DPP6: variants seen among roughly 807,000 people sequenced by gnomAD.
DPP6 encodes dipeptidyl peptidase like 6.
In DPP6, 69 loss-of-function variants were observed where a neutral mutation model predicts 122.6. That is an observed-to-expected ratio of 0.56 (90% CI 0.46 to 0.69). The LOEUF is 0.69. Ranked by LOEUF, DPP6 falls within the 30% of genes least tolerant of loss-of-function variation. The pLI, the probability that DPP6 is intolerant of heterozygous loss-of-function variation, is 0.00. For synonymous variants in DPP6, 418 were observed against 433.1 expected, an observed-to-expected ratio of 0.97 and a Z score of 0.43; for missense variants, 928 against 1,116.9, an observed-to-expected ratio of 0.83 and a Z score of 2.41.
intron 18 of DPP6, among the ~76,000 whole-genome samples, chr7:154,870,990 T>TAA (rs1804336797): frequency 6.9e-6 from 1 of 144,388 alleles, no homozygotes; most frequent in African/African-American, 2.7e-5. Flanking sequence ...AAAAAATGTG[T>TAA]GTGTTATCCC....
At chr7:153,993,196 C>T (rs1797264286) in intron 1 of DPP6, among the ~76,000 whole-genome samples, 1 of 152,152 alleles carries the variant, frequency 6.6e-6, no homozygotes, top group Admixed American at 6.5e-5. Context: ...GAATCAGTGT[C>T]TATATCAGGG....
intron 5 of DPP6, among the ~76,000 whole-genome samples, chr7:154,568,634 G>T (rs988429415): frequency 6.6e-6 from 1 of 152,098 alleles, no homozygotes; most frequent in Non-Finnish European, 1.5e-5. Context: ...GGATCCCATT[G>T]AACCAGAAAC....
intron 1 of DPP6, among the ~76,000 whole-genome samples, chr7:154,076,404 T>G (rs2429602): frequency 1.3e-5 from 2 of 151,752 alleles, no homozygotes; most frequent in East Asian, 3.9e-4. Flanking sequence ...GAGCCGAGAT[T>G]GTGGCAATGC....
chr7:154,039,333 C>T (rs777287242), intron 1 of DPP6, among the ~76,000 whole-genome samples: 112 of 146,156 alleles, frequency 7.7e-4, no homozygotes, highest in Non-Finnish European at 1.3e-3. Flanking sequence ...TTTTCTTGGA[C>T]GATGAATCTG....
chr7:154,816,463 C>T (rs760104529), intron 16 of DPP6, among the ~76,000 whole-genome samples: 28 of 152,126 alleles, frequency 1.8e-4, no homozygotes, highest in Non-Finnish European at 2.1e-4. Flanking sequence ...TTTCAGACAT[C>T]CACTGGGGTC....
intron 1 of DPP6, among the ~76,000 whole-genome samples, chr7:154,186,855 G>C (rs992154969): frequency 3.9e-5 from 6 of 152,214 alleles, no homozygotes; most frequent in East Asian, 3.8e-4. Context: ...TAAAAAATCA[G>C]AAGTAGATTA....
chr7:154,006,830 G>T (rs1797932760), intron 1 of DPP6, among the ~76,000 whole-genome samples: 1 of 152,220 alleles, frequency 6.6e-6, no homozygotes, highest in Non-Finnish European at 1.5e-5. Flanking sequence ...CCACATATAG[G>T]TGAGGAAATC....
At chr7:153,873,541 A>G in the DPP6 span, among the ~76,000 whole-genome samples, 3 of 152,318 alleles carry the variant, frequency 2.0e-5, no homozygotes, top group East Asian at 5.8e-4. Flanking sequence ...TAACTTTGCA[A>G]CTTTGGCAAA....
intron 1 of DPP6, among the ~76,000 whole-genome samples, chr7:154,149,174 A>G (rs1031162886): frequency 4.6e-5 from 7 of 152,262 alleles, no homozygotes; most frequent in African/African-American, 1.7e-4. Context: ...CAGTGCCTTT[A>G]CAGTGAAGGA....
chr7:154,234,366 T>C (rs1308999300), intron 1 of DPP6, among the ~76,000 whole-genome samples: 1 of 152,164 alleles, frequency 6.6e-6, no homozygotes, highest in Non-Finnish European at 1.5e-5. Flanking sequence ...GAGCTGGGTG[T>C]TTCCCAGAAA....
chr7:154,022,849 A>G (rs545001867), intron 1 of DPP6, among the ~76,000 whole-genome samples: 1 of 152,372 alleles, frequency 6.6e-6, no homozygotes, highest in South Asian at 2.1e-4. Flanking sequence ...AGGATGAGAC[A>G]GAGGTTGGAG....
chr7:154,758,929 C>T (rs1017298359), intron 8 of DPP6, among the ~76,000 whole-genome samples: 5 of 152,184 alleles, frequency 3.3e-5, no homozygotes, highest in African/African-American at 9.7e-5. Flanking sequence ...AGCACGCAGC[C>T]TCTATAAGCA....
At chr7:154,662,009 G>T (rs1837720062) in intron 6 of DPP6, among the ~76,000 whole-genome samples, 1 of 149,820 alleles carries the variant, frequency 6.7e-6, no homozygotes, top group African/African-American at 2.5e-5. Context: ...TAGTCATGGT[G>T]AATCACCATG....
chr7:154,448,603 G>A (rs902573528), intron 2 of DPP6, among the ~76,000 whole-genome samples: 1 of 151,988 alleles, frequency 6.6e-6, no homozygotes, highest in Non-Finnish European at 1.5e-5. Flanking sequence ...AAATGCAAAG[G>A]ACTCATAATA....
chr7:154,737,493 T>C (rs936619219), intron 8 of DPP6, among the ~76,000 whole-genome samples: 2 of 152,182 alleles, frequency 1.3e-5, no homozygotes, highest in African/African-American at 4.8e-5. Context: ...CACACTGTTA[T>C]TTTTTTCTTT....
At chr7:154,737,841 G>T (rs552273157) in intron 8 of DPP6, among the ~76,000 whole-genome samples, 3 of 152,312 alleles carry the variant, frequency 2.0e-5, no homozygotes, top group East Asian at 3.9e-4. Flanking sequence ...AACAGACCTT[G>T]ATTTAAGCCC....
the DPP6 span, among the ~76,000 whole-genome samples, chr7:153,774,533 C>T: frequency 3.9e-5 from 6 of 152,132 alleles, no homozygotes; most frequent in South Asian, 2.1e-4. Flanking sequence ...ATAAGACCAT[C>T]GCCACGTGGG....
chr7:154,115,435 A>C (rs1013259530), intron 1 of DPP6, among the ~76,000 whole-genome samples: 3 of 152,292 alleles, frequency 2.0e-5, no homozygotes, highest in Middle Eastern at 3.4e-3. Context: ...GACCTTCGTG[A>C]GTTTCCAGAT....
chr7:154,361,946 C>T (rs2151099376), intron 1 of DPP6, among the ~76,000 whole-genome samples: 1 of 152,196 alleles, frequency 6.6e-6, no homozygotes, highest in East Asian at 1.9e-4. Flanking sequence ...TGATGGCTCA[C>T]ATCTGGAGTG....
Sources: gnomAD v4.1 joint callset for allele counts (sites outside exome capture counted in the v4.1 genomes callset) on GRCh38, gnomAD v4.1.1 for gene constraint, MANE v1.5 for transcripts, NCBI Gene and HGNC (gene_info 2026-07-23, HGNC 2026-07-21) for gene names.